The following PDE1C variants were observed in gnomAD, a reference collection of about 807,000 sequenced individuals.
PDE1C encodes dual specificity calcium/calmodulin-dependent 3',5'-cyclic nucleotide phosphodiesterase 1C.
A neutral mutation model predicts 93.1 loss-of-function variants in PDE1C; 62 were observed. The observed-to-expected ratio is 0.67, with a 90% CI of 0.54 to 0.82. The LOEUF (loss-of-function observed/expected upper bound fraction) is 0.82. PDE1C is among the 40% of genes least tolerant of loss of function. The pLI, the probability that PDE1C is intolerant of heterozygous loss-of-function variation, is 0.00. For missense variants in PDE1C, 742 were observed against 884.6 expected (o/e 0.84, Z 2.04); for synonymous variants, 325 against 310.1 (o/e 1.05, Z -0.50).
chr7:32,426,765 A>C lies in PDE1C; in HGVS notation c.310+1057T>G, dbSNP rs1785542507. Among the ~76,000 whole-genome samples, 3 of 152,132 alleles carry C rather than the reference A, an allele frequency of 2.0e-5. No individual in the cohort carries two copies. The South Asian group carries it at 6.2e-4, about 32-fold the overall frequency. On this transcript the variant is annotated intron_variant, in intron 1 of 1. Transcript: ENST00000672256. ...GGACAGAGTGTTTGTGTCTTCTTTTAATATTTTGAAAACTTTCAAGGGAAT... is the reference window on the plus strand; with the variant it reads ...GGACAGAGTGTTTGTGTCTTCTTTTCATATTTTGAAAACTTTCAAGGGAAT...
intron 2 of PDE1C, among the ~76,000 whole-genome samples, chr7:31,977,607 C>T (rs1033271571): frequency 5.9e-5 from 9 of 152,118 alleles, no homozygotes; most frequent in African/African-American, 1.2e-4. Flanking sequence ...CTACCTGACC[C>T]AAATTACTTT....
intron 2 of PDE1C, among the ~76,000 whole-genome samples, chr7:32,184,681 G>A (rs554001250): frequency 1.3e-5 from 2 of 152,176 alleles, no homozygotes; most frequent in Non-Finnish European, 2.9e-5. Flanking sequence ...ATAGCATTAG[G>A]AGATATACCT....
chr7:32,401,774 C>A (rs944306275), intron 1 of PDE1C, among the ~76,000 whole-genome samples: 1 of 152,128 alleles, frequency 6.6e-6, no homozygotes, highest in South Asian at 2.1e-4. Context: ...CTGAGCTGAG[C>A]AAACAAGCTT....
intron 2 of PDE1C, among the ~76,000 whole-genome samples, chr7:32,050,685 A>C (rs1793231976): frequency 6.6e-6 from 1 of 152,166 alleles, no homozygotes; most frequent in South Asian, 2.1e-4. Flanking sequence ...GACATTTCCT[A>C]AGCTCATTTC....
At chr7:32,227,064 CT>C (rs1807334723) in intron 1 of PDE1C, among the ~76,000 whole-genome samples, 2 of 152,340 alleles carry the variant, frequency 1.3e-5, no homozygotes, top group South Asian at 4.1e-4. Flanking sequence ...AAGGAGGTCT[CT>C]GCCCGCAGCC....
intron 2 of PDE1C, among the ~76,000 whole-genome samples, chr7:31,998,724 T>A (rs185365956): frequency 3.3e-5 from 5 of 152,194 alleles, no homozygotes; most frequent in South Asian, 2.1e-4. Flanking sequence ...AACACAAAAA[T>A]TCTAATACTA....
chr7:31,989,066 G>A (rs6948059), intron 2 of PDE1C, among the ~76,000 whole-genome samples: 148 of 139,480 alleles, frequency 1.1e-3, no homozygotes, highest in Admixed American at 1.6e-3. Context: ...AAATAGAGAA[G>A]AAAGAAAGAG....
At chr7:32,232,823 T>A (rs1807804846) in intron 1 of PDE1C, among the ~76,000 whole-genome samples, 1 of 152,186 alleles carries the variant, frequency 6.6e-6, no homozygotes, top group Non-Finnish European at 1.5e-5. Context: ...GAAAGGGCTT[T>A]GAAAACAAAT....
At chr7:31,930,377 G>C (rs1268209332) in intron 2 of PDE1C, among the ~76,000 whole-genome samples, 1 of 152,060 alleles carries the variant, frequency 6.6e-6, no homozygotes, top group Non-Finnish European at 1.5e-5. Context: ...CCAAACAATA[G>C]AAAAAGAGGG....
chr7:32,064,979 T>C (rs536796430), intron 1 of PDE1C, among the ~76,000 whole-genome samples: 1 of 143,944 alleles, frequency 6.9e-6, no homozygotes, highest in East Asian at 2.0e-4. Context: ...CTCTTGGGAA[T>C]TGATTAGTAG....
chr7:31,731,257 C>G, the PDE1C span, among the ~76,000 whole-genome samples: 1 of 152,030 alleles, frequency 6.6e-6, no homozygotes, highest in Non-Finnish European at 1.5e-5. Context: ...CCGCAGGACC[C>G]GTGTAGGTGC....
At position 31,819,101 on chromosome 7, in the gene PDE1C, C is replaced by T. The variant is rs957999703; in HGVS notation, c.1583-2947G>A. Among the ~76,000 whole-genome samples, 11 of 152,188 alleles carry T rather than the reference C, an allele frequency of 7.2e-5. No individual in the cohort carries two copies. The South Asian group carries it at 1.5e-3, about 20-fold the overall frequency. On this transcript the variant is annotated intron_variant, in intron 14 of 17. Transcript: ENST00000396191. ...TCTGACATCATGATCTAATCAGATA[C>T]GAGCCTATCCTACTGTATGATTTCT...
intron 1 of PDE1C, among the ~76,000 whole-genome samples, chr7:32,225,261 C>T (rs530391641): frequency 7.9e-5 from 12 of 152,124 alleles, no homozygotes; most frequent in African/African-American, 2.2e-4. Context: ...CCTTCATGGA[C>T]GCACCTGATT....
chr7:31,857,033 T>G (rs371991749), intron 7 of PDE1C, among the ~76,000 whole-genome samples: 7 of 152,272 alleles, frequency 4.6e-5, no homozygotes, highest in African/African-American at 1.7e-4. Context: ...AGAACACCAG[T>G]CATAATGGAT....
chr7:32,046,482 T>C (rs1792586448), intron 2 of PDE1C, among the ~76,000 whole-genome samples: 1 of 152,188 alleles, frequency 6.6e-6, no homozygotes, highest in African/African-American at 2.4e-5. Flanking sequence ...ACTTACCACA[T>C]TTTATTATAA....
chr7:31,775,861 T>C (rs1019993598), intron 16 of PDE1C, 129 bp from the exon 17 acceptor site: 17 of 751,104 alleles, frequency 2.3e-5, no homozygotes, highest in South Asian at 2.1e-4. Flanking sequence ...TTAGGTGAGG[T>C]TGCAGGGTGG....
chr7:31,907,786 T>A (rs1357514159), intron 2 of PDE1C, among the ~76,000 whole-genome samples: 2 of 152,154 alleles, frequency 1.3e-5, no homozygotes, highest in Non-Finnish European at 2.9e-5. Flanking sequence ...GTGAGTTAAC[T>A]TCTCTGTGCA....
At chr7:31,658,369 A>T in the PDE1C span, 1 of 1,518,748 alleles carries the variant, frequency 6.6e-7, no homozygotes, top group Non-Finnish European at 8.8e-7. Flanking sequence ...CTTTCTGAAG[A>T]CACAAGACTC....
At chr7:31,915,871 AT>A (rs1325643548) in intron 2 of PDE1C, among the ~76,000 whole-genome samples, 2 of 152,156 alleles carry the variant, frequency 1.3e-5, no homozygotes, top group Admixed American at 6.5e-5. Flanking sequence ...GTAGACTTGT[AT>A]TTTTTTATGA....
Sources: allele counts gnomAD v4.1 joint callset (sites outside exome capture counted in the v4.1 genomes callset), GRCh38; gene constraint gnomAD v4.1.1; transcripts MANE v1.5; gene names NCBI Gene and HGNC (gene_info 2026-07-23, HGNC 2026-07-21).